Variants in SPRED3 observed in about 807,000 individuals in gnomAD.
SPRED3 encodes the protein sprouty related EVH1 domain containing 3.
SPRED3 carries 23 observed loss-of-function variants against 37.6 expected under a neutral mutation model. The observed-to-expected ratio is 0.61, with a 90% CI of 0.44 to 0.87. The LOEUF (loss-of-function observed/expected upper bound fraction) is 0.87. Ranked by LOEUF, SPRED3 falls within the 40% of genes least tolerant of loss-of-function variation. The pLI, the probability that SPRED3 is intolerant of heterozygous loss-of-function variation, is 0.00. For missense variants in SPRED3, 584 were observed against 618.6 expected, an observed-to-expected ratio of 0.94 and a Z score of 0.59; for synonymous variants, 302 against 279.6, an observed-to-expected ratio of 1.08 and a Z score of -0.80.
At chr19:38,391,250 T>C (rs1970828851) in intron 2 of SPRED3, among the ~76,000 whole-genome samples, 1 of 149,262 alleles carries the variant, frequency 6.7e-6, no homozygotes, top group African/African-American at 2.5e-5. Context: ...CAGCCACTCA[T>C]GAGTCTGAGG....
In SPRED3 at chr19:38,397,824, ACTTTGGGAGGC is replaced by A; in HGVS notation, c.*1681_*1691del. 1 of 152,014 alleles carries A rather than the reference ACTTTGGGAGGC, an allele frequency of 6.6e-6. No individual in the cohort carries two copies. The highest frequency in any genetic ancestry group is 1.9e-4 in the East Asian group (1 of 5,164). The allele number at this position is 152,014 out of a possible 1,614,324, so 9.4% of individuals were successfully genotyped here. On this transcript the variant is annotated 3_prime_UTR_variant, in exon 6 of 6. Transcript: ENST00000691638. ...GTGGCTCATGCCTTGTAATCCCAGC[ACTTTGGGAGGC>A]CAAGGGAGGAGGATCGCTTAAGGCC...
chr19:38,397,903 T>TAAAAAAAAAAAAAAAAAAAAAA lies in SPRED3; in HGVS notation c.*1773_*1774insAAAAAAAAAAAAAAAAAAAAAA, dbSNP rs774014740. ...CTGGGCAATGTAGTGAGACCGTCTC[T>TAAAAAAAAAAAAAAAAAAAAAA]AAAAAAAAAAAAAAAGGACCAAGTA... On this transcript the variant is annotated 3_prime_UTR_variant, in exon 6 of 6. Coordinates refer to ENST00000691638, the MANE Select transcript of SPRED3 (RefSeq NM_001394336.1). The TAAAAAAAAAAAAAAAAAAAAAA allele has an allele frequency of 4.5e-4, 60 of 131,958 alleles. 2 individuals carry two copies. Among genetic ancestry groups the TAAAAAAAAAAAAAAAAAAAAAA allele is most frequent in the African/African-American group, 1.8e-3 (60 of 34,260 alleles). 8.2% of individuals were successfully genotyped at this position (131,958 alleles called of 1,614,324 possible).
chr19:38,391,014 A>T (rs1970826127), intron 2 of SPRED3, among the ~76,000 whole-genome samples: 1 of 151,896 alleles, frequency 6.6e-6, no homozygotes, highest in African/African-American at 2.4e-5. Flanking sequence ...TCAGCTAGGG[A>T]TGTAGTAGAA....
chr19:38,394,372 C>T, intron 4 of SPRED3: 1 of 1,585,848 alleles, frequency 6.3e-7, no homozygotes, highest in South Asian at 1.1e-5. Flanking sequence ...TCTCCCAGTA[C>T]TTCAGGCATA....
Position 38,396,162 on chromosome 19 carries a change from C to A in SPRED3, c.*17C>A. On this transcript the variant is annotated 3_prime_UTR_variant, in exon 6 of 6. Coordinates refer to ENST00000691638, the MANE Select transcript of SPRED3 (RefSeq NM_001394336.1). ...GCGCGGTGAGGACGGCCTGGTGGGT[C>A]CCCTAGCCGGCCCGAGGACCCAAAA... 8.0e-7 allele frequency: 1 copy of A among 1,257,348 alleles called. No individual in the cohort carries two copies. The highest frequency in any genetic ancestry group is 1.0e-6 in the Non-Finnish European group (1 of 1,002,264). 77.9% of individuals were successfully genotyped at this position (1,257,348 alleles called of 1,614,324 possible).
rs1371349079 is a variant in SPRED3 at position 38,398,975 on chromosome 19, G to C, written c.*2830G>C. The C allele has an allele frequency of 2.0e-5, 3 of 152,374 alleles. No homozygotes were observed. The highest frequency in any genetic ancestry group is 3.9e-4 in the East Asian group (2 of 5,176). The allele number at this position is 152,374 out of a possible 1,614,324, so 9.4% of individuals were successfully genotyped here. A position where few individuals can be genotyped will look rare whatever the true frequency, so the allele number is the denominator to read the frequency against. ...CCCACTCTGCCCAGCTCTCATCACT[G>C]TCAGACCCACCAGAGCTGAGGGCGG... On this transcript the variant is annotated 3_prime_UTR_variant, in exon 6 of 6. Transcript: ENST00000691638.
intron 2 of SPRED3, among the ~76,000 whole-genome samples, 183 bp from the exon 3 acceptor site, chr19:38,391,763 A>G (rs764119735): frequency 1.2e-4 from 19 of 152,150 alleles, no homozygotes; most frequent in Admixed American, 2.6e-4. Context: ...ACTGTTTCAA[A>G]AAACAAAACA....
In SPRED3 at chr19:38,388,766, G is replaced by A; in HGVS notation, c.-46G>A. The A allele has an allele frequency of 2.5e-6, 1 of 398,230 alleles. No homozygotes were observed. The highest frequency in any genetic ancestry group is 4.4e-6 in the Non-Finnish European group (1 of 225,866). The allele number at this position is 398,230 out of a possible 1,614,324, so 24.7% of individuals were successfully genotyped here. A position where few individuals can be genotyped will look rare whatever the true frequency, so the allele number is the denominator to read the frequency against. The stretch of plus-strand genomic sequence containing the variant: ...GCCGGAACGAAAAGGAGGAGGAGGA[G>A]GCCGCGTCGCCGCCGCTCGGAGCCC... On this transcript the variant is annotated 5_prime_UTR_variant, in exon 1 of 6. Transcript: ENST00000691638.
chr19:38,390,469 G>A lies in SPRED3; in HGVS notation c.167G>A (p.Arg56Gln), dbSNP rs371474424. The A allele has an allele frequency of 1.5e-5, 21 of 1,370,194 alleles. No individual in the cohort carries two copies. The highest frequency in any genetic ancestry group is 3.0e-5 in the East Asian group (1 of 33,288). 84.9% of individuals were successfully genotyped at this position (1,370,194 alleles called of 1,614,324 possible). Residue 56 changes from arginine (R) to glutamine (Q), a missense_variant, in exon 2 of 6, where the codon CGG becomes CAG. Arg to Gln is a conservative substitution (Grantham distance 43). Coordinates refer to ENST00000691638, the MANE Select transcript of SPRED3 (RefSeq NM_001394336.1). ...GHYVIHGERL[R>Q]DQKTTLECTL... ...TACGTCATCCACGGGGAACGCCTCC[G>A]GGACCAGAAAGTGAGCCACCCTGGG...
rs549509792 is a variant in SPRED3, at chr19:38,396,933, C to T, written c.*788C>T. The stretch of plus-strand genomic sequence containing the variant: ...CGGATATACTGAAACACGAGCTGTT[C>T]TCTTACCAAAATGACTTGGGAGACC... On this transcript the variant is annotated 3_prime_UTR_variant, in exon 6 of 6. Coordinates refer to ENST00000691638, the MANE Select transcript of SPRED3 (RefSeq NM_001394336.1). 1 of 152,208 alleles carries T rather than the reference C, an allele frequency of 6.6e-6. No individual in the cohort carries two copies. The highest frequency in any genetic ancestry group is 1.9e-4 in the East Asian group (1 of 5,178). The allele number at this position is 152,208 out of a possible 1,614,324, so 9.4% of individuals were successfully genotyped here.
intron 4 of SPRED3, chr19:38,394,353 A>T: frequency 6.4e-7 from 1 of 1,560,498 alleles, no homozygotes; most frequent in Non-Finnish European, 8.7e-7. Flanking sequence ...AACAATAACC[A>T]TTTCCAGCTC....
rs1405700409 is a variant in SPRED3, at chr19:38,395,821, C to A, written c.909C>A (p.Leu303=). The A allele has an allele frequency of 6.8e-7, 1 of 1,465,402 alleles. No individual in the cohort carries two copies. Among genetic ancestry groups the A allele is most frequent in the Non-Finnish European group, 9.0e-7 (1 of 1,116,832 alleles). 90.8% of individuals were successfully genotyped at this position (1,465,402 alleles called of 1,614,324 possible). Residue 303 remains leucine, a synonymous_variant, in exon 6 of 6, where the codon CTC becomes CTA. Transcript: ENST00000691638. The surrounding 1 kb of genome is among the most constrained non-coding windows in gnomAD (Gnocchi z 5.2). ...CGCGCTGCGTGCATTGCCGCGCGCT[C>A]TTCCGTCGCAGAGCAGACGGGCGTG... The part of the protein sequence containing the change: ...EAARCVHCRA[L]FRRRADGRGG...
Position 38,390,626 on chromosome 19 carries a change from TAA to T in SPRED3, c.177+148_177+149del, listed in dbSNP as rs966215784. On this transcript the variant is annotated intron_variant, in intron 2 of 5. Coordinates refer to ENST00000691638, the MANE Select transcript of SPRED3 (RefSeq NM_001394336.1). ...TGGGAGTGAATATCTGTCCTGTAGATAAGAGTTGGGAATTGCAGGATACATGG... is the reference window on the plus strand; with the variant it reads ...TGGGAGTGAATATCTGTCCTGTAGATGAGTTGGGAATTGCAGGATACATGG... The T allele has an allele frequency of 1.1e-5, 7 of 625,892 alleles. No individual in the cohort carries two copies. In the African/African-American group the frequency reaches 1.3e-4, roughly 12 times the overall value. 38.8% of individuals were successfully genotyped at this position (625,892 alleles called of 1,614,324 possible).
rs1377534631 is a variant in SPRED3 at position 38,398,171 on chromosome 19, C to T, written c.*2026C>T. Reference sequence around the variant, plus strand: ...TCAAGCACAACCTTAATTCCTAGTCCAGGTTCAAGTCCCACCTTTTATGTT... The same window carrying T: ...TCAAGCACAACCTTAATTCCTAGTCTAGGTTCAAGTCCCACCTTTTATGTT... On this transcript the variant is annotated 3_prime_UTR_variant, in exon 6 of 6. Coordinates refer to ENST00000691638, the MANE Select transcript of SPRED3 (RefSeq NM_001394336.1). The T allele has an allele frequency of 1.3e-5, 2 of 152,256 alleles. No individual in the cohort carries two copies. Among genetic ancestry groups the T allele is most frequent in the Admixed American group, 1.3e-4 (2 of 15,282 alleles). 9.4% of individuals were successfully genotyped at this position (152,256 alleles called of 1,614,324 possible).
At chr19:38,392,423 GT>G in intron 4 of SPRED3, 135 bp downstream of exon 4, 1 of 968,646 alleles carries the variant, frequency 1.0e-6, no homozygotes, top group Non-Finnish European at 1.5e-6. Flanking sequence ...GGAACTATGA[GT>G]GTCAATTCAA....
intron 4 of SPRED3, among the ~76,000 whole-genome samples, chr19:38,393,713 G>T (rs1338046831): frequency 6.6e-6 from 1 of 152,164 alleles, no homozygotes; most frequent in African/African-American, 2.4e-5. Flanking sequence ...TTCGTTTCTT[G>T]CTGTGTCTCC....
intron 4 of SPRED3, 123 bp from the exon 5 acceptor site, chr19:38,394,520 G>A: frequency 6.4e-7 from 1 of 1,557,020 alleles, no homozygotes; most frequent in African/African-American, 1.4e-5. Flanking sequence ...CAGTGACAGA[G>A]CCGGGGTTTG....
intron 2 of SPRED3, among the ~76,000 whole-genome samples, chr19:38,390,875 C>T (rs944592361): frequency 2.0e-5 from 3 of 151,726 alleles, no homozygotes; most frequent in Admixed American, 1.3e-4. Context: ...CCTGTCTGCC[C>T]TAAGTATAGT....
At chr19:38,394,940 A>G (rs1455757185) in intron 5 of SPRED3, among the ~76,000 whole-genome samples, 154 bp downstream of exon 5, 1 of 152,134 alleles carries the variant, frequency 6.6e-6, no homozygotes, top group Non-Finnish European at 1.5e-5. Context: ...GCGGCGGGGA[A>G]ATAGGGAGAG....
Sources: allele counts gnomAD v4.1 joint callset (sites outside exome capture counted in the v4.1 genomes callset), GRCh38; gene constraint gnomAD v4.1.1; non-coding constraint Gnocchi (gnomAD v3.1); transcripts MANE v1.5; gene names NCBI Gene and HGNC (gene_info 2026-07-23, HGNC 2026-07-21).